ASPM: variants seen among roughly 807,000 people sequenced by gnomAD.
ASPM encodes abnormal spindle-like microcephaly-associated protein.
A neutral mutation model predicts 366.4 loss-of-function variants in ASPM; 256 were observed. The ratio of observed to expected loss-of-function variants is 0.70; its 90% CI spans 0.63 to 0.77. The LOEUF (loss-of-function observed/expected upper bound fraction) is 0.77, where lower values mean the gene tolerates loss of function less well. Ranked by LOEUF, ASPM falls within the 30% of genes least tolerant of loss-of-function variation. ASPM has a pLI of 0.00. For missense variants in ASPM, 4,146 were observed against 4,090.4 expected, an observed-to-expected ratio of 1.01 and a Z score of -0.37; for synonymous variants, 1,414 against 1,342.9, an observed-to-expected ratio of 1.05 and a Z score of -1.16.
rs587783228 is a variant in ASPM at position 197,125,159 on chromosome 1, TC to T, written c.2968del (p.Asp990ThrfsTer11). ...RTMELLTQNW[D>X]LSKKLRIPAI... is the part of the protein sequence containing the mutation. ...CGGAATCCTGAGTTTCTTTGAGAGG[TC>T]CCAGTTCTGTGTGAGAAGTTCCATG... On this transcript the variant is annotated frameshift_variant, in exon 11 of 28. Coordinates refer to ENST00000367409, the MANE Select transcript of ASPM (RefSeq NM_018136.5). LOFTEE classifies it high-confidence loss of function. The T allele has an allele frequency of 1.2e-6, 2 of 1,613,890 alleles. No individual in the cohort carries two copies. Among genetic ancestry groups the T allele is most frequent in the African/African-American group, 2.7e-5 (2 of 74,902 alleles).
Position 197,084,354 on chromosome 1 carries a change from C to A in ASPM, c.10404G>T (p.Met3468Ile), listed in dbSNP as rs774454864. The A allele has an allele frequency of 5.6e-6, 9 of 1,612,468 alleles. No homozygotes were observed. The South Asian group carries it at 8.8e-5, about 16-fold the overall frequency. ...AAGGAATGCCAAGCGTATCCATCAC[C>A]ATTTGAATAGCTTGCAGGGGATTTG... is the stretch of plus-strand genomic sequence containing the variant. ...EITNPLQAIQ[M>I]VMDTLGIPY The change falls in exon 28 of 28, where the codon ATG becomes ATT. Residue 3468 changes from methionine to isoleucine, a missense_variant. Around this residue, in one of 3 missense-constraint regions of ASPM, gnomAD observed 3,624 missense variants for 3,591.7 expected, o/e 1.01. Coordinates refer to ENST00000367409, the MANE Select transcript of ASPM (RefSeq NM_018136.5).
intron 9 of ASPM, 117 bp from the exon 10 acceptor site, chr1:197,128,782 T>C (rs1658172583): frequency 1.2e-6 from 1 of 846,726 alleles, no homozygotes; most frequent in Non-Finnish European, 1.8e-6. Context: ...AAAAGTTTCA[T>C]ATTATACATT....
Position 197,090,937 on chromosome 1 carries a change from C to A in ASPM, c.9549G>T (p.Arg3183Ser). The change falls in exon 23 of 28, where the codon AGG becomes AGT. Residue 3183 changes from arginine to serine, a missense_variant. Physicochemically the swap from Arg to Ser is moderately radical, Grantham distance 110 (BLOSUM62 -1). Coordinates refer to ENST00000367409, the MANE Select transcript of ASPM (RefSeq NM_018136.5). ...CTGCTTTCTGTATTACTGATGCAGC[C>A]CTATTTCGCTGGCTCAGACATTCTT... ...EGQECLSQRN[R>S]AASVIQKAVR... is the part of the protein sequence containing the mutation. 1 of 1,613,272 alleles carries A rather than the reference C, an allele frequency of 6.2e-7. No individual in the cohort carries two copies. The highest frequency in any genetic ancestry group is 8.5e-7 in the Non-Finnish European group (1 of 1,179,562).
chr1:197,144,356 C>T (rs549807818), intron 1 of ASPM, among the ~76,000 whole-genome samples: 4 of 152,082 alleles, frequency 2.6e-5, no homozygotes, highest in Non-Finnish European at 5.9e-5. Flanking sequence ...AACAGATAGT[C>T]TCTAAATCAT....
At position 197,084,227 on chromosome 1, in the gene ASPM, T is replaced by C; in HGVS notation, c.*97A>G. On this transcript the variant is annotated 3_prime_UTR_variant, in exon 28 of 28. Transcript: ENST00000367409. ...ATGTTTTTTTAAAACAAAGTCAGAT[T>C]TTAAAAGTTGTACACGGAGAGCAAA... 2.3e-6 allele frequency: 2 copies of C among 863,806 alleles called. No homozygotes were observed. Among genetic ancestry groups the C allele is most frequent in the South Asian group, 1.5e-5 (1 of 68,550 alleles). The allele number at this position is 863,806 out of a possible 1,614,324, so 53.5% of individuals were successfully genotyped here.
Position 197,095,239 on chromosome 1 carries a change from C to G in ASPM, c.8987+759G>C, listed in dbSNP as rs554895977. 3.4e-4 allele frequency among the ~76,000 whole-genome samples: 52 copies of G among 151,802 alleles called. No individual in the cohort carries two copies. The South Asian group carries it at 8.5e-3, about 25-fold the overall frequency. On this transcript the variant is annotated intron_variant, in intron 19 of 27. Coordinates refer to ENST00000367409, the MANE Select transcript of ASPM (RefSeq NM_018136.5). The stretch of plus-strand genomic sequence containing the variant: ...CCATTAACCAGCCTGTCGTTATCCA[C>G]CCCTCCCCTCTCCCTATCCTAGCCT...
At chr1:197,090,105 A>C in intron 24 of ASPM, 21 bp from the exon 25 acceptor site, 1 of 1,613,394 alleles carries the variant, frequency 6.2e-7, no homozygotes, top group Non-Finnish European at 8.5e-7. Flanking sequence ...AAAAAAACAC[A>C]CACACACAGG....
rs587783276 is a variant in ASPM, at chr1:197,101,217, G to A, written c.8034C>T (p.Gly2678=). The change falls in exon 18 of 28, where the codon GGC becomes GGT. Residue 2678 remains glycine (G), a synonymous_variant. Coordinates refer to ENST00000367409, the MANE Select transcript of ASPM (RefSeq NM_018136.5). ...AVICIQSYYR[G]FKVRKDIQNM... ...TTTGAATATCCTTTCGTACTTTAAA[G>A]CCTCTGTAATAAGACTGTATACAAA... 6.2e-7 allele frequency: 1 copy of A among 1,612,244 alleles called. No individual in the cohort carries two copies. Among genetic ancestry groups the A allele is most frequent in the Non-Finnish European group, 8.5e-7 (1 of 1,179,046 alleles).
chr1:197,095,935 T>C (rs1462030793), intron 19 of ASPM, 63 bp downstream of exon 19: 16 of 1,359,716 alleles, frequency 1.2e-5, no homozygotes, highest in Admixed American at 2.0e-5. Flanking sequence ...TGTTATTTTA[T>C]GTAAAGACTT....
rs375778017 is a variant in ASPM, at chr1:197,104,709, T to C, written c.4542A>G (p.Ile1514Met). 1.3e-5 allele frequency: 21 copies of C among 1,611,752 alleles called. No homozygotes were observed. The African/African-American group carries it at 2.7e-4, about 21-fold the overall frequency. Residue 1514 changes from isoleucine (I) to methionine (M), a missense_variant, in exon 18 of 28, where the codon ATA becomes ATG. Coordinates refer to ENST00000367409, the MANE Select transcript of ASPM (RefSeq NM_018136.5). ...QKLYKRRKES[I>M]LTIQKYYKAY... The stretch of plus-strand genomic sequence containing the variant: ...CTTTGTAGTACTTCTGGATGGTTAG[T>C]ATGGACTCTTTTCTTCTTTTATATA...
At chr1:197,086,576 T>TATTATATTATATTA (rs1460342538) in intron 27 of ASPM, among the ~76,000 whole-genome samples, 1 of 152,212 alleles carries the variant, frequency 6.6e-6, no homozygotes, top group Non-Finnish European at 1.5e-5. Flanking sequence ...AACTATTTAA[T>TATTATATTATATTA]ATAAGAAGTT....
chr1:197,109,447 T>C (rs933623528), intron 17 of ASPM, among the ~76,000 whole-genome samples: 3 of 152,050 alleles, frequency 2.0e-5, no homozygotes, highest in Middle Eastern at 3.2e-3. Context: ...GAAACCCAAA[T>C]CTATGTGATA....
intron 8 of ASPM, 115 bp downstream of exon 8, chr1:197,129,800 G>T (rs1174291968): frequency 1.7e-6 from 2 of 1,211,072 alleles, no homozygotes; most frequent in Non-Finnish European, 2.4e-6. Context: ...TAGAAGCAGA[G>T]ACTTATTTAG....
intron 17 of ASPM, among the ~76,000 whole-genome samples, chr1:197,109,884 A>G (rs1657532681): frequency 6.6e-6 from 1 of 152,094 alleles, no homozygotes; most frequent in Non-Finnish European, 1.5e-5. Flanking sequence ...ATAAAATAAG[A>G]TACTGAGGTA....
intron 27 of ASPM, among the ~76,000 whole-genome samples, chr1:197,084,941 A>G (rs1189870098): frequency 6.6e-6 from 1 of 152,068 alleles, no homozygotes; most frequent in Non-Finnish European, 1.5e-5. Flanking sequence ...TGATTCATCC[A>G]TGTCATATGC....
chr1:197,109,239 A>G (rs1485893632), intron 17 of ASPM, among the ~76,000 whole-genome samples: 1 of 152,074 alleles, frequency 6.6e-6, no homozygotes, highest in Non-Finnish European at 1.5e-5. Flanking sequence ...AACATAAAAG[A>G]ACGCTGAAAC....
intron 9 of ASPM, among the ~76,000 whole-genome samples, 193 bp from the exon 10 acceptor site, chr1:197,128,858 C>A (rs1455995311): frequency 6.6e-6 from 1 of 152,024 alleles, no homozygotes. Context: ...TAATAATACA[C>A]TATAAAAACT....
chr1:197,123,585 C>A (rs1024436052), intron 13 of ASPM, among the ~76,000 whole-genome samples: 1 of 152,094 alleles, frequency 6.6e-6, no homozygotes, highest in Non-Finnish European at 1.5e-5. Context: ...CCATATTTAG[C>A]TATACATACT....
chr1:197,121,288 T>G (rs1657899662), intron 16 of ASPM, among the ~76,000 whole-genome samples: 1 of 152,122 alleles, frequency 6.6e-6, no homozygotes, highest in South Asian at 2.1e-4. Context: ...GAAAAAAATT[T>G]TTTACATTAA....
Sources: allele counts gnomAD v4.1 joint callset (sites outside exome capture counted in the v4.1 genomes callset), GRCh38; gene constraint gnomAD v4.1.1; regional missense constraint gnomAD v4.1.1; transcripts MANE v1.5; gene names NCBI Gene and HGNC (gene_info 2026-07-23, HGNC 2026-07-21).